KATNIP: variants seen among roughly 807,000 people sequenced by gnomAD.
KATNIP encodes the protein katanin-interacting protein.
A neutral mutation model predicts 174.0 loss-of-function variants in KATNIP; 126 were observed. The observed-to-expected ratio is 0.72, with a 90% confidence interval of 0.63 to 0.84. The LOEUF (loss-of-function observed/expected upper bound fraction) is 0.84, where lower values mean the gene tolerates loss of function less well. KATNIP is among the 40% of genes least tolerant of loss of function. KATNIP has a pLI of 0.00. For missense variants in KATNIP, 1,958 were observed against 2,109.7 expected (o/e 0.93, Z 1.41); for synonymous variants, 810 against 835.7 (o/e 0.97, Z 0.53).
intron 18 of KATNIP, among the ~76,000 whole-genome samples, chr16:27,756,063 G>A (rs77509030): frequency 0.066 from 10,115 of 152,226 alleles, 456 homozygotes; most frequent in Non-Finnish European, 0.095. Flanking sequence ...CTGGGGGTGG[G>A]AGGTGGGGTC....
intron 18 of KATNIP, among the ~76,000 whole-genome samples, chr16:27,756,954 C>T (rs970838207): frequency 2.0e-5 from 3 of 152,208 alleles, no homozygotes; most frequent in Non-Finnish European, 4.4e-5. Context: ...CTCCTTTCTA[C>T]CCAGCAGTCC....
chr16:27,682,466 A>T (rs1330819335), intron 8 of KATNIP, among the ~76,000 whole-genome samples: 1 of 152,188 alleles, frequency 6.6e-6, no homozygotes, highest in Non-Finnish European at 1.5e-5. Context: ...AGCCTGGCCT[A>T]TAGGGAGCTG....
intron 2 of KATNIP, among the ~76,000 whole-genome samples, chr16:27,598,908 A>T (rs1166439986): frequency 4.6e-5 from 7 of 152,170 alleles, no homozygotes; most frequent in Non-Finnish European, 1.0e-4. Flanking sequence ...GGGCCTTCAG[A>T]GATGTCCCAG....
chr16:27,684,646 C>G (rs375869597), intron 8 of KATNIP, among the ~76,000 whole-genome samples: 23 of 152,338 alleles, frequency 1.5e-4, no homozygotes, highest in African/African-American at 3.6e-4. Flanking sequence ...TCTCAAGGCT[C>G]CAAGTCTAAA....
chr16:27,568,332 AT>A (rs1437549574), intron 1 of KATNIP, among the ~76,000 whole-genome samples: 1 of 152,202 alleles, frequency 6.6e-6, no homozygotes, highest in Non-Finnish European at 1.5e-5. Flanking sequence ...CCTTGAGCAT[AT>A]GTTTGTTTCC....
intron 5 of KATNIP, among the ~76,000 whole-genome samples, chr16:27,633,611 G>C (rs188784723): frequency 2.0e-5 from 3 of 152,082 alleles, no homozygotes; most frequent in East Asian, 3.9e-4. Context: ...TTTTTAACTT[G>C]TGTTCACCAA....
intron 15 of KATNIP, among the ~76,000 whole-genome samples, chr16:27,742,204 A>G (rs1218998858): frequency 6.6e-6 from 1 of 152,170 alleles, no homozygotes; most frequent in African/African-American, 2.4e-5. Context: ...GAGAGTACGG[A>G]TAGCAGCTAG....
intron 2 of KATNIP, among the ~76,000 whole-genome samples, chr16:27,596,025 C>T (rs2075324174): frequency 1.3e-5 from 2 of 149,588 alleles, no homozygotes; most frequent in Non-Finnish European, 3.0e-5. Flanking sequence ...GGCTTTGTGT[C>T]ATTTGTAGGG....
At chr16:27,589,566 T>C (rs1487782328) in intron 2 of KATNIP, among the ~76,000 whole-genome samples, 1 of 152,204 alleles carries the variant, frequency 6.6e-6, no homozygotes, top group Non-Finnish European at 1.5e-5. Flanking sequence ...TGAGAAAATC[T>C]GAATTTACAC....
intron 2 of KATNIP, among the ~76,000 whole-genome samples, chr16:27,596,929 A>G (rs889026500): frequency 1.3e-5 from 2 of 152,216 alleles, no homozygotes; most frequent in African/African-American, 4.8e-5. Flanking sequence ...AGGCTGAGGC[A>G]GGAGAATCAC....
chr16:27,761,343 T>A (rs2081947679), intron 18 of KATNIP, 70 bp from the exon 19 acceptor site: 4 of 1,455,646 alleles, frequency 2.7e-6, no homozygotes, highest in Non-Finnish European at 3.7e-6. Flanking sequence ...GCATTCCTCT[T>A]CCTGTCTTCA....
chr16:27,606,484 C>CGT (rs1567486049), intron 2 of KATNIP, among the ~76,000 whole-genome samples: 16 of 151,934 alleles, frequency 1.1e-4, no homozygotes, highest in African/African-American at 3.9e-4. Context: ...CTCATACACA[C>CGT]ACACACACAC....
intron 14 of KATNIP, among the ~76,000 whole-genome samples, chr16:27,723,090 G>A (rs2080303977): frequency 6.6e-6 from 1 of 152,168 alleles, no homozygotes; most frequent in Admixed American, 6.5e-5. Context: ...TGTATCCTGG[G>A]TGGAGGGCCC....
chr16:27,652,613 G>A (rs940511714), intron 6 of KATNIP, among the ~76,000 whole-genome samples: 1 of 152,038 alleles, frequency 6.6e-6, no homozygotes, highest in Non-Finnish European at 1.5e-5. Flanking sequence ...AGGGGTTCGA[G>A]ACCAGCCTGA....
At chr16:27,763,143 G>A (rs1332381161) in intron 19 of KATNIP, among the ~76,000 whole-genome samples, 2 of 151,124 alleles carry the variant, frequency 1.3e-5, no homozygotes, top group Non-Finnish European at 3.0e-5. Context: ...GTGAGAATGT[G>A]TCTCTACAAA....
In KATNIP at chr16:27,749,848, G is replaced by A. The variant is rs774066509; in HGVS notation, c.2888G>A (p.Gly963Glu). 2 of 1,614,116 alleles carry A rather than the reference G, an allele frequency of 1.2e-6. No homozygotes were observed. Among genetic ancestry groups the A allele is most frequent in the Non-Finnish European group, 1.7e-6 (2 of 1,180,010 alleles). ...QDGYSGETDA[G>E]GDFKIPVLPY... ...GGCTACTCTGGAGAGACAGACGCTG[G>A]GGGTGACTTTAAAATCCCCGTCTTG... The change falls in exon 16 of 28, where the codon GGG becomes GAG. Residue 963 changes from glycine to glutamate, a missense_variant. Gly to Glu is a moderately conservative substitution (Grantham distance 98, BLOSUM62 -2). Around this residue, in one of 3 missense-constraint regions of KATNIP, gnomAD observed 1,557 missense variants for 1,617.8 expected, o/e 0.96. Coordinates refer to ENST00000261588, the MANE Select transcript of KATNIP (RefSeq NM_015202.5).
chr16:27,706,116 T>G (rs1167805057), intron 12 of KATNIP, among the ~76,000 whole-genome samples: 1 of 151,480 alleles, frequency 6.6e-6, no homozygotes, highest in East Asian at 1.9e-4. Flanking sequence ...GCTCGCACTG[T>G]GTCTTTCCCC....
At position 27,740,803 on chromosome 16, in the gene KATNIP, G is replaced by A. The variant is rs1223407223; in HGVS notation, c.2506G>A (p.Asp836Asn). ...PQRATTKVHS[D>N]DSDIFNQPPN... Reference sequence around the variant, plus strand: ...GAGGGCAACCACCAAAGTCCACAGTGATGACTCAGACATCTTTAACCAGCC... The same window carrying A: ...GAGGGCAACCACCAAAGTCCACAGTAATGACTCAGACATCTTTAACCAGCC... Residue 836 changes from aspartate (D) to asparagine (N), a missense_variant, in exon 15 of 28, where the codon GAT (aspartate) becomes AAT (asparagine). Coordinates refer to ENST00000261588, the MANE Select transcript of KATNIP (RefSeq NM_015202.5). The A allele has an allele frequency of 4.3e-6, 7 of 1,614,028 alleles. No individual in the cohort carries two copies. The highest frequency in any genetic ancestry group is 5.9e-6 in the Non-Finnish European group (7 of 1,180,006).
At chr16:27,649,842 T>G in intron 6 of KATNIP, among the ~76,000 whole-genome samples, 1 of 152,198 alleles carries the variant, frequency 6.6e-6, no homozygotes, top group Non-Finnish European at 1.5e-5. Context: ...AAGGAAGGCC[T>G]CTTTCCAGCA....
Sources: gnomAD v4.1 joint callset for allele counts (sites outside exome capture counted in the v4.1 genomes callset) on GRCh38, gnomAD v4.1.1 for gene constraint, gnomAD v4.1.1 regional missense constraint, MANE v1.5 for transcripts, NCBI Gene and HGNC (gene_info 2026-07-23, HGNC 2026-07-21) for gene names.